SNED1: variants seen among roughly 807,000 people sequenced by gnomAD.
SNED1 encodes the protein sushi, nidogen and EGF-like domain-containing protein 1.
In SNED1, 81 loss-of-function variants were observed where a neutral mutation model predicts 166.7. The ratio of observed to expected loss-of-function variants is 0.49; its 90% CI spans 0.41 to 0.58. SNED1 has a LOEUF of 0.58. Ranked by LOEUF, SNED1 falls within the 20% of genes least tolerant of loss-of-function variation. The probability of loss-of-function intolerance (pLI) is 0.00; values close to 1 mark genes in which losing one functional copy is unlikely to be tolerated. For missense variants in SNED1, 1,604 were observed against 2,000.2 expected, an observed-to-expected ratio of 0.80 and a Z score of 3.78; for synonymous variants, 762 against 822.0, an observed-to-expected ratio of 0.93 and a Z score of 1.25.
chr2:241,082,200 C>G, intron 28 of SNED1, 77 bp from the exon 29 acceptor site: 2 of 1,252,340 alleles, frequency 1.6e-6, no homozygotes, highest in Non-Finnish European at 2.3e-6. Flanking sequence ...GGCCCTCTCC[C>G]TTGGGCAAGG....
chr2:241,013,513 C>CT lies in SNED1; in HGVS notation c.213+14470dup, dbSNP rs1249872156. ...CCTCCAGCTATATTTTTTTATTTTT[C>CT]TTTTTTTGTAGAGACAGGGTCTTGC... On this transcript the variant is annotated intron_variant, in intron 1 of 31. Transcript: ENST00000310397. The surrounding 1 kb of genome is among the most constrained non-coding windows in gnomAD (Gnocchi z 4.6). Among the ~76,000 whole-genome samples the CT allele has an allele frequency of 6.6e-6, 1 of 151,696 alleles. No homozygotes were observed. Among genetic ancestry groups the CT allele is most frequent in the East Asian group, 1.9e-4 (1 of 5,156 alleles).
At chr2:241,004,836 C>T (rs1267409212) in intron 1 of SNED1, among the ~76,000 whole-genome samples, 4 of 152,160 alleles carry the variant, frequency 2.6e-5, no homozygotes, top group Non-Finnish European at 2.9e-5. Context: ...AATTCTGTGC[C>T]TCAGCCCCCT....
intron 1 of SNED1, among the ~76,000 whole-genome samples, chr2:241,012,812 G>C (rs1466098704): frequency 7.1e-6 from 1 of 140,112 alleles, no homozygotes; most frequent in Non-Finnish European, 1.5e-5. Flanking sequence ...AGGCAGTACT[G>C]TGTTTTTTTT....
At position 241,051,678 on chromosome 2, in the gene SNED1, G is replaced by A; in HGVS notation, c.1736-66G>A. On this transcript the variant is annotated intron_variant, in intron 12 of 31. Transcript: ENST00000310397. The surrounding 1 kb of genome is among the most constrained non-coding windows in gnomAD (Gnocchi z 4.7). ...CAGAGGACTGAGGAGATGCCAGGAG[G>A]GTATAGTGGCTCTGTGGGGCCAGCA... The A allele has an allele frequency of 8.0e-7, 1 of 1,255,070 alleles. No individual in the cohort carries two copies. Among genetic ancestry groups the A allele is most frequent in the Non-Finnish European group, 1.1e-6 (1 of 929,564 alleles). The allele number at this position is 1,255,070 out of a possible 1,614,324, so 77.7% of individuals were successfully genotyped here.
intron 1 of SNED1, among the ~76,000 whole-genome samples, chr2:241,004,174 C>T (rs1326927703): frequency 6.6e-6 from 1 of 152,230 alleles, no homozygotes; most frequent in South Asian, 2.1e-4. Context: ...GTAGTGGGCA[C>T]AACACTGATA....
Position 241,067,962 on chromosome 2 carries a change from C to T in SNED1, c.3194+15C>T, listed in dbSNP as rs1375503045. 4 of 1,599,546 alleles carry T rather than the reference C, an allele frequency of 2.5e-6. No individual in the cohort carries two copies. The highest frequency in any genetic ancestry group is 3.4e-6 in the Non-Finnish European group (4 of 1,169,160). On this transcript the variant is annotated intron_variant, in intron 22 of 31. Transcript: ENST00000310397. ...TTCACCTTTAGGTAAGAAGGGACAC[C>T]CAGAGCATGGGGCTGGGGTGAAGGC...
chr2:241,044,115 T>C, intron 8 of SNED1, among the ~76,000 whole-genome samples: 1 of 151,946 alleles, frequency 6.6e-6, no homozygotes, highest in East Asian at 1.9e-4. Flanking sequence ...CTAAAAATAC[T>C]CAATCCAGAA....
At chr2:241,026,975 A>G (rs2060988539) in intron 1 of SNED1, among the ~76,000 whole-genome samples, 1 of 152,168 alleles carries the variant, frequency 6.6e-6, no homozygotes, top group African/African-American at 2.4e-5. Flanking sequence ...TCTGCTAGGT[A>G]CCTCATATAG....
chr2:241,050,358 C>A (rs1436834367), intron 12 of SNED1, among the ~76,000 whole-genome samples: 1 of 152,188 alleles, frequency 6.6e-6, no homozygotes, highest in Non-Finnish European at 1.5e-5. Flanking sequence ...GCTATCCCCG[C>A]CAGGCCCCAC....
intron 29 of SNED1, among the ~76,000 whole-genome samples, chr2:241,082,824 A>G (rs1432398729): frequency 6.6e-6 from 1 of 152,166 alleles, no homozygotes; most frequent in Non-Finnish European, 1.5e-5. Flanking sequence ...TGCCCAGCCC[A>G]TCTCTTAGGT....
rs778306120 is a variant in SNED1 at position 241,072,028 on chromosome 2, G to A, written c.3817+150G>A. Reference sequence around the variant, plus strand: ...CCCCCACCCCGACTGTGCACAAGGCGCGGGGCTCGTGGGCCGCCGGCAGCA... The same window carrying A: ...CCCCCACCCCGACTGTGCACAAGGCACGGGGCTCGTGGGCCGCCGGCAGCA... On this transcript the variant is annotated intron_variant, in intron 26 of 31. Transcript: ENST00000310397. 35 of 778,458 alleles carry A rather than the reference G, an allele frequency of 4.5e-5. 1 individual carries two copies. Among genetic ancestry groups the A allele is most frequent in the South Asian group, 4.2e-4 (29 of 68,244 alleles). The allele number at this position is 778,458 out of a possible 1,614,324, so 48.2% of individuals were successfully genotyped here.
At chr2:241,060,187 C>CT (rs34936638) in intron 16 of SNED1, among the ~76,000 whole-genome samples, 9,695 of 144,634 alleles carry the variant, frequency 0.067, 484 homozygotes, top group African/African-American at 0.13. Context: ...AAACTATAAA[C>CT]TTTTTTTTTT....
At position 241,031,356 on chromosome 2, in the gene SNED1, G is replaced by T. The variant is rs141601185; in HGVS notation, c.501+785G>T. The stretch of plus-strand genomic sequence containing the variant: ...ATTTTTGTATTTTCAGTAGAGAGGG[G>T]GTTTCCCCATATTGGCCAGGCTGGT... On this transcript the variant is annotated intron_variant, in intron 2 of 31. Transcript: ENST00000310397. Among the ~76,000 whole-genome samples the T allele has an allele frequency of 5.3e-3, 802 of 152,150 alleles. 11 individuals are homozygous for T. Among genetic ancestry groups the T allele is most frequent in the African/African-American group, 0.018 (757 of 41,512 alleles).
At position 240,998,673 on chromosome 2, in the gene SNED1, C is replaced by T. The variant is rs1047085470; in HGVS notation, c.-165C>T. Among the ~76,000 whole-genome samples the T allele has an allele frequency of 2.0e-5, 3 of 149,850 alleles. No homozygotes were observed. Among genetic ancestry groups the T allele is most frequent in the Non-Finnish European group, 3.0e-5 (2 of 67,298 alleles). ...CCTCTGCGGAGCTGCGGCGAGAGCG[C>T]GGCCCGGCCGAACGGGCGCGGGACG... is the stretch of plus-strand genomic sequence containing the variant. On this transcript the variant is annotated 5_prime_UTR_variant, in exon 1 of 32. Transcript: ENST00000310397.
At chr2:241,035,187 C>T (rs777968100) in intron 4 of SNED1, among the ~76,000 whole-genome samples, 5 of 152,152 alleles carry the variant, frequency 3.3e-5, no homozygotes, top group African/African-American at 4.8e-5. Flanking sequence ...CTCTGACCCT[C>T]AGGGCCACCC....
intron 24 of SNED1, among the ~76,000 whole-genome samples, chr2:241,070,752 A>G (rs1420651182): frequency 1.3e-5 from 2 of 152,220 alleles, no homozygotes; most frequent in African/African-American, 2.4e-5. Flanking sequence ...AGGGTCCCGA[A>G]CGCCCCACTT....
rs1283404882 is a variant in SNED1 at position 241,052,558 on chromosome 2, A to G, written c.2083+90A>G. The G allele has an allele frequency of 3.8e-5, 36 of 943,504 alleles. No individual in the cohort carries two copies. The East Asian group carries it at 4.9e-4, about 13-fold the overall frequency. 58.4% of individuals were successfully genotyped at this position (943,504 alleles called of 1,614,324 possible). ...AGGGCCCAAGCAGGGTACATGGGATACCAGTGCCAGGCAGGTGAGAGGGCC... is the reference window on the plus strand; with the variant it reads ...AGGGCCCAAGCAGGGTACATGGGATGCCAGTGCCAGGCAGGTGAGAGGGCC... On this transcript the variant is annotated intron_variant, in intron 15 of 31. Transcript: ENST00000310397.
intron 16 of SNED1, among the ~76,000 whole-genome samples, chr2:241,055,868 C>T (rs544364565): frequency 6.6e-6 from 1 of 152,316 alleles, no homozygotes; most frequent in African/African-American, 2.4e-5. Context: ...GCGTTTAAAA[C>T]CAATCTTGAG....
chr2:241,033,562 G>A (rs1161268547), intron 2 of SNED1, 173 bp from the exon 3 acceptor site: 2 of 673,934 alleles, frequency 3.0e-6, no homozygotes, highest in East Asian at 5.8e-5. Context: ...GGAGACAGCA[G>A]AGGATGAGGC....
Sources: gnomAD v4.1 joint callset for allele counts (sites outside exome capture counted in the v4.1 genomes callset) on GRCh38, gnomAD v4.1.1 for gene constraint, Gnocchi (gnomAD v3.1) non-coding constraint, MANE v1.5 for transcripts, NCBI Gene and HGNC (gene_info 2026-07-23, HGNC 2026-07-21) for gene names.